Variants in C10orf53 observed in about 807,000 individuals in gnomAD.
C10orf53 encodes UPF0728 protein C10orf53.
C10orf53 carries 8 observed loss-of-function variants against 9.4 expected under a neutral mutation model. The observed-to-expected ratio is 0.85, with a 90% CI of 0.50 to 1.53. The LOEUF (loss-of-function observed/expected upper bound fraction) is 1.53. Among genes scored for constraint, C10orf53 ranks in the 40% most tolerant of loss-of-function variants. The pLI, the probability that C10orf53 is intolerant of heterozygous loss-of-function variation, is 0.00. For missense variants in C10orf53, 117 were observed against 117.8 expected (o/e 0.99, Z 0.03); for synonymous variants, 48 against 46.0 (o/e 1.04, Z -0.18).
downstream of C10orf53, among the ~76,000 whole-genome samples, chr10:49,699,899 C>CT (rs989122814): frequency 1.3e-5 from 2 of 151,878 alleles, no homozygotes; most frequent in East Asian, 1.9e-4. Flanking sequence ...GCTCATCCCC[C>CT]CCGAGATCAG....
chr10:49,705,394 T>C (rs1185251423), intron 2 of C10orf53, among the ~76,000 whole-genome samples: 1 of 152,140 alleles, frequency 6.6e-6, no homozygotes, highest in African/African-American at 2.4e-5. Flanking sequence ...GTTTTAAAAA[T>C]AAGGCAGTTG....
At chr10:49,684,202 C>A (rs1840506191) in intron 1 of C10orf53, among the ~76,000 whole-genome samples, 1 of 152,214 alleles carries the variant, frequency 6.6e-6, no homozygotes, top group African/African-American at 2.4e-5. Context: ...GCTCTCAATT[C>A]TATTCCATTG....
intron 2 of C10orf53, among the ~76,000 whole-genome samples, chr10:49,704,577 C>T (rs1216103752): frequency 6.6e-6 from 1 of 152,000 alleles, no homozygotes; most frequent in East Asian, 1.9e-4. Context: ...CCTGTCTCTA[C>T]TAAAAATACC....
chr10:49,692,957 GA>G, intron 1 of C10orf53, among the ~76,000 whole-genome samples: 1 of 152,088 alleles, frequency 6.6e-6, no homozygotes, highest in South Asian at 2.1e-4. Flanking sequence ...AGAATAAAGA[GA>G]AAAAAGTTTC....
intron 2 of C10orf53, chr10:49,694,274 C>T (rs879325599): frequency 1.7e-6 from 1 of 593,212 alleles, no homozygotes; most frequent in Non-Finnish European, 2.9e-6. Flanking sequence ...TGCTAAGACA[C>T]TGAGTTGATA....
chr10:49,684,352 T>G (rs1840507209), intron 1 of C10orf53, among the ~76,000 whole-genome samples: 1 of 152,222 alleles, frequency 6.6e-6, no homozygotes, highest in South Asian at 2.1e-4. Flanking sequence ...TCCCTTGCAG[T>G]TCCCTATGAA....
At chr10:49,706,559 C>G (rs1840723665) in intron 2 of C10orf53, among the ~76,000 whole-genome samples, 1 of 151,904 alleles carries the variant, frequency 6.6e-6, no homozygotes. Flanking sequence ...GGTTGCACAG[C>G]ACTGGGAGAA....
At chr10:49,708,220 A>C (rs1171366956) in intron 2 of C10orf53, 1 of 1,339,968 alleles carries the variant, frequency 7.5e-7, no homozygotes, top group Non-Finnish European at 1.0e-6. Context: ...CAATTGGCTT[A>C]AGAATATAGG....
chr10:49,680,047 T>C (rs558686694), intron 1 of C10orf53, among the ~76,000 whole-genome samples: 1 of 152,340 alleles, frequency 6.6e-6, no homozygotes, highest in African/African-American at 2.4e-5. Context: ...TAGAAAAAAT[T>C]ACATAACCCT....
At chr10:49,694,014 A>C in intron 2 of C10orf53, 121 bp downstream of exon 2, 2 of 1,410,430 alleles carry the variant, frequency 1.4e-6, no homozygotes, top group Non-Finnish European at 2.0e-6. Flanking sequence ...TCTGAGTTTG[A>C]AACTTGTACT....
rs186227339 is a variant in C10orf53, at chr10:49,683,810, C to T, written c.97+4016C>T. Among the ~76,000 whole-genome samples the T allele has an allele frequency of 6.8e-4, 104 of 152,216 alleles. 1 individual carries two copies. The highest frequency in any genetic ancestry group is 3.3e-3 in the Admixed American group (50 of 15,276). On this transcript the variant is annotated intron_variant, in intron 1 of 2. Transcript: ENST00000374111. Reference sequence around the variant, plus strand: ...ACTCAGGAGGCTGAGGTGGAAGGATCGCTTGAGCCCTGGAGGCCGAGGTTG... The same window carrying T: ...ACTCAGGAGGCTGAGGTGGAAGGATTGCTTGAGCCCTGGAGGCCGAGGTTG...
At chr10:49,692,962 A>T (rs1448898772) in intron 1 of C10orf53, among the ~76,000 whole-genome samples, 1 of 152,212 alleles carries the variant, frequency 6.6e-6, no homozygotes, top group Admixed American at 6.5e-5. Context: ...AAAGAGAAAA[A>T]AGTTTCCCAT....
chr10:49,692,479 T>A (rs1394524992), intron 1 of C10orf53, among the ~76,000 whole-genome samples: 3 of 152,258 alleles, frequency 2.0e-5, no homozygotes, highest in African/African-American at 7.2e-5. Context: ...AGCAATTGTC[T>A]CTGTAATTAA....
chr10:49,680,115 T>A (rs936636707), intron 1 of C10orf53, among the ~76,000 whole-genome samples: 2 of 152,276 alleles, frequency 1.3e-5, no homozygotes, highest in Admixed American at 6.5e-5. Flanking sequence ...ACAACTCAAA[T>A]GGCTGGGAAG....
chr10:49,699,190 C>CTTTTTT (rs67695235), downstream of C10orf53, among the ~76,000 whole-genome samples: 19,178 of 64,722 alleles, frequency 0.3, 6,449 homozygotes, highest in East Asian at 0.49. Context: ...GTGGCTCAAT[C>CTTTTTT]TTTTTTTTTT....
chr10:49,705,557 G>A (rs1258242), intron 2 of C10orf53, among the ~76,000 whole-genome samples: 55,614 of 151,822 alleles, frequency 0.37, 12,561 homozygotes, highest in East Asian at 0.81. Context: ...ATGGTGCAGG[G>A]ACAACTGGAT....
At chr10:49,709,967 GTGTGTC>G (rs879194952) in exon 3 of C10orf53, 7,567 of 85,798 alleles carry the variant, frequency 0.088, 254 homozygotes, top group Non-Finnish European at 0.11. Flanking sequence ...GTGTGTGTGT[GTGTGTC>G]TGTGTGTGTG....
At chr10:49,681,081 T>C (rs1840474841) in intron 1 of C10orf53, among the ~76,000 whole-genome samples, 1 of 152,230 alleles carries the variant, frequency 6.6e-6, no homozygotes, top group Non-Finnish European at 1.5e-5. Context: ...GATGGGCTTA[T>C]CCAGGTATTA....
chr10:49,699,188 A>ATTTTTTTTT (rs1210027084), downstream of C10orf53, among the ~76,000 whole-genome samples: 11 of 47,814 alleles, frequency 2.3e-4, no homozygotes, highest in African/African-American at 4.7e-4. Flanking sequence ...TGGTGGCTCA[A>ATTTTTTTTT]TCTTTTTTTT....
Sources: allele counts gnomAD v4.1 joint callset (sites outside exome capture counted in the v4.1 genomes callset), GRCh38; gene constraint gnomAD v4.1.1; transcripts MANE v1.5; gene names NCBI Gene and HGNC (gene_info 2026-07-23, HGNC 2026-07-21).